Variants in FBXO34 observed in about 807,000 individuals in gnomAD.
FBXO34 encodes the protein F-box protein 34.
Under a neutral mutation model 24.5 loss-of-function variants are expected in FBXO34, and 12 were observed. The ratio of observed to expected loss-of-function variants is 0.49; its 90% CI spans 0.31 to 0.79. The LOEUF is 0.79. Ranked by LOEUF, FBXO34 falls within the 30% of genes least tolerant of loss-of-function variation. The pLI is 0.04. For synonymous variants in FBXO34, 320 were observed against 311.9 expected, an observed-to-expected ratio of 1.03 and a Z score of -0.27; for missense variants, 823 against 857.7, an observed-to-expected ratio of 0.96 and a Z score of 0.51.
chr14:55,436,745 C>T, the FBXO34 span: 7 of 1,614,076 alleles, frequency 4.3e-6, no homozygotes, highest in Admixed American at 3.3e-5. Context: ...CCCAGCCCAA[C>T]GTCCTGTTCG....
At chr14:55,401,190 GAAC>G in the FBXO34 span, among the ~76,000 whole-genome samples, 1 of 151,656 alleles carries the variant, frequency 6.6e-6, no homozygotes, top group Non-Finnish European at 1.5e-5. Flanking sequence ...GAGAAAGTTT[GAAC>G]AACTTTTCAT....
the FBXO34 span, among the ~76,000 whole-genome samples, chr14:55,398,418 C>G: frequency 6.6e-6 from 1 of 152,088 alleles, no homozygotes; most frequent in Non-Finnish European, 1.5e-5. Context: ...TTTAAAATCT[C>G]CTTCTATGCA....
At chr14:55,283,109 C>A (rs892328481) in intron 1 of FBXO34, among the ~76,000 whole-genome samples, 1 of 152,192 alleles carries the variant, frequency 6.6e-6, no homozygotes, top group Non-Finnish European at 1.5e-5. Context: ...GCTCTACCAT[C>A]GTCACTATAT....
chr14:55,290,544 C>G (rs1477882707), intron 1 of FBXO34, among the ~76,000 whole-genome samples: 2 of 152,142 alleles, frequency 1.3e-5, no homozygotes, highest in African/African-American at 4.8e-5. Context: ...TAATACTGCT[C>G]TATGTATGCT....
At chr14:55,371,210 A>C (rs1385415696), downstream of FBXO34, among the ~76,000 whole-genome samples, 1 of 152,218 alleles carries the variant, frequency 6.6e-6, no homozygotes, top group East Asian at 1.9e-4. Context: ...AGCAGGCAGA[A>C]ATGAGAGCCT....
At chr14:55,368,262 C>G (rs1359382036), downstream of FBXO34, 1 of 152,582 alleles carries the variant, frequency 6.6e-6, no homozygotes, top group Non-Finnish European at 1.5e-5. Context: ...CTCTTGTTGC[C>G]CAGGCTGGAG....
intron 1 of FBXO34, among the ~76,000 whole-genome samples, chr14:55,299,582 C>T (rs1377898309): frequency 1.3e-5 from 2 of 152,148 alleles, no homozygotes; most frequent in African/African-American, 2.4e-5. Flanking sequence ...CCCATAACCA[C>T]AGTGCCATTA....
downstream of FBXO34, chr14:55,369,533 C>T: frequency 7.9e-7 from 1 of 1,268,154 alleles, no homozygotes; most frequent in Non-Finnish European, 1.1e-6. Flanking sequence ...CAGACACTAT[C>T]TTAACTTAAA....
intron 1 of FBXO34, among the ~76,000 whole-genome samples, chr14:55,320,620 T>G (rs560180529): frequency 7.7e-4 from 117 of 152,198 alleles, no homozygotes; most frequent in African/African-American, 2.7e-3. Flanking sequence ...TAGCCGGGTG[T>G]GGTAGTGGGC....
chr14:55,418,354 A>G, the FBXO34 span, among the ~76,000 whole-genome samples: 34 of 152,368 alleles, frequency 2.2e-4, no homozygotes, highest in African/African-American at 7.5e-4. Context: ...AGCTCCAAAT[A>G]TCAACCTCCA....
At chr14:55,340,624 G>C (rs1358081317) in intron 1 of FBXO34, among the ~76,000 whole-genome samples, 1 of 152,160 alleles carries the variant, frequency 6.6e-6, no homozygotes, top group Non-Finnish European at 1.5e-5. Context: ...ACGTATAACT[G>C]TGTTAATGGG....
At chr14:55,392,115 G>C in the FBXO34 span, among the ~76,000 whole-genome samples, 1 of 152,182 alleles carries the variant, frequency 6.6e-6, no homozygotes, top group African/African-American at 2.4e-5. Context: ...TCAGGCTTTA[G>C]AGTCTCATAG....
intron 1 of FBXO34, among the ~76,000 whole-genome samples, chr14:55,304,620 C>T (rs2139722165): frequency 1.3e-5 from 2 of 152,252 alleles, no homozygotes; most frequent in Admixed American, 6.5e-5. Context: ...CTGCCTCAGC[C>T]TCTGGAGTAG....
intron 1 of FBXO34, among the ~76,000 whole-genome samples, chr14:55,303,876 A>G (rs1882448724): frequency 6.6e-6 from 1 of 152,198 alleles, no homozygotes. Flanking sequence ...AGGGAGGTGA[A>G]TAGAGAGTCA....
the FBXO34 span, among the ~76,000 whole-genome samples, chr14:55,430,666 A>T: frequency 6.6e-6 from 1 of 152,092 alleles, no homozygotes. Context: ...CCAAGTACTG[A>T]GGTTACAGGT....
chr14:55,370,732 C>G (rs1884796349), downstream of FBXO34, among the ~76,000 whole-genome samples: 1 of 151,992 alleles, frequency 6.6e-6, no homozygotes, highest in South Asian at 2.1e-4. Context: ...CCTCCACCGC[C>G]CAGGTGCAAG....
At chr14:55,377,807 A>G in the FBXO34 span, 24 of 1,550,846 alleles carry the variant, frequency 1.5e-5, no homozygotes, top group Admixed American at 2.1e-5. Context: ...AAAGCAACAA[A>G]TATCTTCTTA....
intron 1 of FBXO34, among the ~76,000 whole-genome samples, chr14:55,279,104 G>A (rs762406544): frequency 6.6e-6 from 1 of 152,060 alleles, no homozygotes; most frequent in Non-Finnish European, 1.5e-5. Flanking sequence ...GCCTGGTCAA[G>A]ATGGTGAAAC....
intron 1 of FBXO34, among the ~76,000 whole-genome samples, chr14:55,323,303 C>G (rs1262888195): frequency 7.5e-6 from 1 of 132,810 alleles, no homozygotes; most frequent in East Asian, 2.5e-4. Flanking sequence ...CTGGCCTCAA[C>G]TGATCTTTCC....
Sources: gnomAD v4.1 joint callset for allele counts (sites outside exome capture counted in the v4.1 genomes callset) on GRCh38, gnomAD v4.1.1 for gene constraint, MANE v1.5 for transcripts, NCBI Gene and HGNC (gene_info 2026-07-23, HGNC 2026-07-21) for gene names.